Variants in GALNTL6 observed in about 807,000 individuals in gnomAD.
GALNTL6 encodes the protein polypeptide N-acetylgalactosaminyltransferase like 6.
Under a neutral mutation model 73.7 loss-of-function variants are expected in GALNTL6, and 46 were observed. The observed-to-expected ratio is 0.62, with a 90% confidence interval of 0.49 to 0.80. The LOEUF (loss-of-function observed/expected upper bound fraction) is 0.80. Among genes scored for constraint, GALNTL6 ranks in the 30% least tolerant of loss-of-function variants. GALNTL6 has a pLI of 0.00. For synonymous variants in GALNTL6, 259 were observed against 263.7 expected, an observed-to-expected ratio of 0.98 and a Z score of 0.17; for missense variants, 604 against 755.0, an observed-to-expected ratio of 0.80 and a Z score of 2.34.
intron 5 of GALNTL6, among the ~76,000 whole-genome samples, chr4:172,582,000 A>G (rs1737209464): frequency 6.6e-6 from 1 of 152,156 alleles, no homozygotes; most frequent in Non-Finnish European, 1.5e-5. Context: ...GTACTCACAT[A>G]GCACTGCTGA....
chr4:172,768,012 C>CTAGG (rs1738544800), intron 5 of GALNTL6, among the ~76,000 whole-genome samples: 1 of 152,022 alleles, frequency 6.6e-6, no homozygotes, highest in African/African-American at 2.4e-5. Flanking sequence ...ATAAAGAAGG[C>CTAGG]TAGGTATTAT....
chr4:171,850,986 G>C (rs535921371), intron 2 of GALNTL6, among the ~76,000 whole-genome samples: 46 of 152,192 alleles, frequency 3.0e-4, no homozygotes, highest in Admixed American at 2.9e-3. Flanking sequence ...TATTTATATC[G>C]TAGAGCTTTA....
At chr4:172,143,820 A>G (rs1340400287) in intron 2 of GALNTL6, among the ~76,000 whole-genome samples, 3 of 152,080 alleles carry the variant, frequency 2.0e-5, no homozygotes, top group East Asian at 1.9e-4. Flanking sequence ...CTTCAAGTGG[A>G]GCATCATTTT....
chr4:172,597,250 G>A lies in GALNTL6; in HGVS notation c.554-212111G>A, dbSNP rs184900208. On this transcript the variant is annotated intron_variant, in intron 5 of 12. Coordinates refer to ENST00000506823, the MANE Select transcript of GALNTL6 (RefSeq NM_001034845.3). The stretch of plus-strand genomic sequence containing the variant: ...ATGACACTGCCTCAGTTCTCTGCAC[G>A]CCCTATTCTACTGTCTTTATTATAA... Among the ~76,000 whole-genome samples the A allele has an allele frequency of 3.0e-3, 450 of 152,150 alleles. 4 individuals are homozygous for A. The highest frequency in any genetic ancestry group is 1.0e-2 in the African/African-American group (415 of 41,518).
At chr4:172,879,317 G>GAATACACATCCTTTTCA (rs1745341830) in intron 7 of GALNTL6, among the ~76,000 whole-genome samples, 2 of 151,770 alleles carry the variant, frequency 1.3e-5, no homozygotes, top group Admixed American at 6.6e-5. Flanking sequence ...AACAGGAATG[G>GAATACACATCCTTTTCA]AATACACATC....
chr4:171,898,574 A>G (rs1560831347), intron 2 of GALNTL6, among the ~76,000 whole-genome samples: 1 of 152,152 alleles, frequency 6.6e-6, no homozygotes, highest in Non-Finnish European at 1.5e-5. Flanking sequence ...AAAAGTATCA[A>G]CCTATGTAAG....
At chr4:172,372,485 C>T (rs1013851255) in intron 5 of GALNTL6, among the ~76,000 whole-genome samples, 1 of 152,132 alleles carries the variant, frequency 6.6e-6, no homozygotes, top group Non-Finnish European at 1.5e-5. Context: ...ACTAAGATGG[C>T]CACCGCCACA....
intron 2 of GALNTL6, among the ~76,000 whole-genome samples, chr4:171,839,593 C>G (rs1443631586): frequency 6.6e-6 from 1 of 151,460 alleles, no homozygotes; most frequent in Non-Finnish European, 1.5e-5. Flanking sequence ...CTTGCACATA[C>G]GTTCACACAT....
At chr4:171,963,957 TA>T (rs1401430900) in intron 2 of GALNTL6, among the ~76,000 whole-genome samples, 1 of 152,160 alleles carries the variant, frequency 6.6e-6, no homozygotes, top group Non-Finnish European at 1.5e-5. Context: ...TCCAGCATAA[TA>T]AAGATAATGT....
chr4:172,521,285 C>T (rs1734765789), intron 5 of GALNTL6, among the ~76,000 whole-genome samples: 1 of 152,040 alleles, frequency 6.6e-6, no homozygotes, highest in Admixed American at 6.5e-5. Flanking sequence ...TTGCAAATAG[C>T]CTTTCAGCAC....
chr4:172,546,784 T>TTATATATATATACGTATATATACGTA (rs1554034186), intron 5 of GALNTL6, among the ~76,000 whole-genome samples: 455 of 16,340 alleles, frequency 0.028, 60 homozygotes, highest in African/African-American at 0.21. Flanking sequence ...CAACTCCGCT[T>TTATATATATATACGTATATATACGTA]TATATATATA....
At chr4:173,011,342 C>A (rs545486854) in intron 11 of GALNTL6, among the ~76,000 whole-genome samples, 14 of 152,260 alleles carry the variant, frequency 9.2e-5, no homozygotes, top group African/African-American at 3.4e-4. Context: ...CTTTGCCGTG[C>A]AGAAGCTTTT....
intron 5 of GALNTL6, among the ~76,000 whole-genome samples, chr4:172,365,505 T>C (rs956220227): frequency 2.6e-5 from 4 of 152,150 alleles, no homozygotes; most frequent in African/African-American, 9.7e-5. Flanking sequence ...GTCAGGATGC[T>C]TAATTAATAA....
intron 5 of GALNTL6, among the ~76,000 whole-genome samples, chr4:172,469,829 C>T (rs975812726): frequency 6.6e-6 from 1 of 151,856 alleles, no homozygotes; most frequent in Non-Finnish European, 1.5e-5. Context: ...TAATTTGATC[C>T]TGATTTTACA....
Position 172,703,908 on chromosome 4 carries a change from A to G in GALNTL6, c.554-105453A>G, listed in dbSNP as rs577073001. Reference sequence around the variant, plus strand: ...GTCTGTTTAGTTGTTCTGTATACTCATGGTTCAATCTTGGTATGTCATATG... The same window carrying G: ...GTCTGTTTAGTTGTTCTGTATACTCGTGGTTCAATCTTGGTATGTCATATG... On this transcript the variant is annotated intron_variant, in intron 5 of 12. Transcript: ENST00000506823. Among the ~76,000 whole-genome samples, 171 of 151,944 alleles carry G rather than the reference A, an allele frequency of 1.1e-3. 1 individual carries two copies. Among genetic ancestry groups the G allele is most frequent in the African/African-American group, 4.0e-3 (165 of 41,506 alleles).
intron 2 of GALNTL6, among the ~76,000 whole-genome samples, chr4:172,107,505 G>A (rs974475673): frequency 1.3e-5 from 2 of 151,886 alleles, no homozygotes; most frequent in Non-Finnish European, 2.9e-5. Flanking sequence ...CATAAAAAAT[G>A]ATGAGTTCAT....
At chr4:171,884,528 A>C (rs902735810) in intron 2 of GALNTL6, among the ~76,000 whole-genome samples, 18 of 151,464 alleles carry the variant, frequency 1.2e-4, no homozygotes, top group African/African-American at 3.4e-4. Context: ...AGATATATAC[A>C]TATATAGTAT....
chr4:172,536,782 G>T (rs2110861681), intron 5 of GALNTL6, among the ~76,000 whole-genome samples: 1 of 152,266 alleles, frequency 6.6e-6, no homozygotes, highest in East Asian at 1.9e-4. Context: ...TGATAGAAAA[G>T]AAAAACCTAT....
chr4:172,911,273 T>A (rs1237417044), intron 8 of GALNTL6, among the ~76,000 whole-genome samples: 3 of 152,236 alleles, frequency 2.0e-5, no homozygotes, highest in African/African-American at 7.2e-5. Context: ...TTTGTACACA[T>A]GGTTTTGTTA....
Sources: allele counts gnomAD v4.1 joint callset (sites outside exome capture counted in the v4.1 genomes callset), GRCh38; gene constraint gnomAD v4.1.1; transcripts MANE v1.5; gene names NCBI Gene and HGNC (gene_info 2026-07-23, HGNC 2026-07-21).